TRIM2: variants seen among roughly 807,000 people sequenced by gnomAD.
TRIM2 encodes the protein tripartite motif-containing protein 2.
In TRIM2, 20 loss-of-function variants were observed where a neutral mutation model predicts 75.2. The ratio of observed to expected loss-of-function variants is 0.27; its 90% confidence interval spans 0.19 to 0.39. The LOEUF is 0.39. TRIM2 is among the 10% of genes least tolerant of loss of function. The probability of loss-of-function intolerance (pLI) is 1.00; values close to 1 mark genes in which losing one functional copy is unlikely to be tolerated. For synonymous variants in TRIM2, 373 were observed against 388.3 expected, an observed-to-expected ratio of 0.96 and a Z score of 0.46; for missense variants, 660 against 990.8, an observed-to-expected ratio of 0.67 and a Z score of 4.48.
chr4:153,221,779 G>GCGCAAGGAAGGAAGGA (rs776824156), intron 1 of TRIM2, among the ~76,000 whole-genome samples: 2 of 119,424 alleles, frequency 1.7e-5, no homozygotes, highest in Admixed American at 8.9e-5. Context: ...AGGAAGGAAA[G>GCGCAAGGAAGGAAGGA]AAGAAAAGGA....
chr4:153,244,352 T>TTCTTCTTCTTCC (rs1560874221), intron 1 of TRIM2, among the ~76,000 whole-genome samples: 1 of 33,170 alleles, frequency 3.0e-5, no homozygotes, highest in Non-Finnish European at 4.9e-5. Context: ...CTTCTTCTTC[T>TTCTTCTTCTTCC]TCCTCTTCTT....
chr4:153,252,371 C>G (rs981069028), intron 1 of TRIM2, among the ~76,000 whole-genome samples: 6 of 152,194 alleles, frequency 3.9e-5, no homozygotes, highest in African/African-American at 1.4e-4. Context: ...GACCTGGACT[C>G]TAGTTCACCT....
intron 1 of TRIM2, among the ~76,000 whole-genome samples, chr4:153,270,073 C>T (rs1478663987): frequency 1.3e-5 from 2 of 152,044 alleles, no homozygotes; most frequent in Admixed American, 6.5e-5. Flanking sequence ...AGGCAACAGG[C>T]GTGTGCCACC....
intron 6 of TRIM2, chr4:153,308,297 C>T (rs1560989271): frequency 7.8e-6 from 12 of 1,544,888 alleles, no homozygotes; most frequent in Non-Finnish European, 9.8e-6. Flanking sequence ...TAATGTCCTT[C>T]TCCAGATCAG....
chr4:153,195,022 G>A (rs1197831733), intron 1 of TRIM2, among the ~76,000 whole-genome samples: 4 of 152,148 alleles, frequency 2.6e-5, no homozygotes, highest in African/African-American at 9.7e-5. Context: ...AAAGGTCTTT[G>A]CCAGACCTTA....
chr4:153,216,731 G>C (rs1320312098), intron 1 of TRIM2, among the ~76,000 whole-genome samples: 1 of 152,178 alleles, frequency 6.6e-6, no homozygotes, highest in African/African-American at 2.4e-5. Context: ...GTCTGCTGAG[G>C]GCTGCTCTCT....
In TRIM2 at chr4:153,276,051, C is replaced by G. The variant is rs1454838419; in HGVS notation, c.374C>G (p.Ala125Gly). 1 of 1,614,142 alleles carries G rather than the reference C, an allele frequency of 6.2e-7. No homozygotes were observed. The highest frequency in any genetic ancestry group is 8.5e-7 in the Non-Finnish European group (1 of 1,180,058). The change falls in exon 3 of 12, where the codon GCT becomes GGT. Residue 125 changes from alanine (A) to glycine (G), a missense_variant. By Grantham distance (60) the Ala-to-Gly change is moderately conservative. This residue lies in a region of TRIM2 where 620 missense variants were observed against 891.0 expected (regional missense o/e 0.70). Transcript: ENST00000338700. Reference sequence around the variant, plus strand: ...CTGCAGCGAACTCCAGGCAGCAACGCTGAGGAGTCTTCCATCCTGGAGACA... The same window carrying G: ...CTGCAGCGAACTCCAGGCAGCAACGGTGAGGAGTCTTCCATCCTGGAGACA... Reference protein sequence around the residue: ...DVLQRTPGSNAEESSILETVT... With the variant: ...DVLQRTPGSNGEESSILETVT...
intron 1 of TRIM2, among the ~76,000 whole-genome samples, chr4:153,243,334 G>A (rs912716676): frequency 1.3e-5 from 2 of 152,218 alleles, no homozygotes; most frequent in African/African-American, 4.8e-5. Context: ...ACATGAAGGG[G>A]TGACTCTTTT....
At chr4:153,228,897 G>A (rs1742877980) in intron 1 of TRIM2, among the ~76,000 whole-genome samples, 1 of 152,056 alleles carries the variant, frequency 6.6e-6, no homozygotes, top group African/African-American at 2.4e-5. Context: ...CCCACAAATG[G>A]TGTCTCAATC....
intron 6 of TRIM2, among the ~76,000 whole-genome samples, chr4:153,313,243 T>C (rs17029859): frequency 0.067 from 10,121 of 152,194 alleles, 1,036 homozygotes; most frequent in African/African-American, 0.22. Flanking sequence ...GGTCGTGTAT[T>C]GAAGATCCTT....
intron 1 of TRIM2, among the ~76,000 whole-genome samples, chr4:153,254,572 A>C (rs1255133061): frequency 1.3e-5 from 2 of 152,160 alleles, no homozygotes; most frequent in Admixed American, 1.3e-4. Context: ...ACCAGCAGCC[A>C]CTATTACCAT....
intron 1 of TRIM2, among the ~76,000 whole-genome samples, chr4:153,229,744 T>C (rs1035214888): frequency 6.6e-6 from 1 of 152,250 alleles, no homozygotes; most frequent in African/African-American, 2.4e-5. Context: ...GCACGGAAGC[T>C]GGTTTTCATT....
chr4:153,268,350 G>C (rs1755806605), intron 1 of TRIM2, among the ~76,000 whole-genome samples: 1 of 131,070 alleles, frequency 7.6e-6, no homozygotes, highest in African/African-American at 3.2e-5. Context: ...GGGTCTTTTT[G>C]GAAAAGGGCC....
intron 1 of TRIM2, among the ~76,000 whole-genome samples, chr4:153,167,772 CTT>C (rs1730460083): frequency 6.6e-6 from 1 of 152,164 alleles, no homozygotes; most frequent in Non-Finnish European, 1.5e-5. Context: ...AGAGCGCAGA[CTT>C]AGGTCAAACC....
At position 153,163,625 on chromosome 4, in the gene TRIM2, C is replaced by T. The variant is rs181325658; in HGVS notation, c.-49+10355C>T. ...TAAGCAATTTTCCTGCCTCAGCCTC[C>T]GGAGTAGCTGGGATTACAGGCGAGT... On this transcript the variant is annotated intron_variant, in intron 1 of 11. Transcript: ENST00000437508. Among the ~76,000 whole-genome samples the T allele has an allele frequency of 2.6e-3, 390 of 150,414 alleles. 2 individuals carry two copies. Among genetic ancestry groups the T allele is most frequent in the Non-Finnish European group, 4.4e-3 (298 of 67,724 alleles).
At chr4:153,216,344 G>A (rs538263880) in intron 1 of TRIM2, among the ~76,000 whole-genome samples, 1 of 152,234 alleles carries the variant, frequency 6.6e-6, no homozygotes, top group East Asian at 1.9e-4. Context: ...CAATTTCCCA[G>A]CTATTTTTTA....
chr4:153,337,202 T>TA lies in TRIM2; in HGVS notation c.*2241dup. Reference sequence around the variant, plus strand: ...ATTAATTTTAGTTTATTTTCACAAGTAAAAATGGCTTTTTATTTAGATTCT... The same window carrying TA: ...ATTAATTTTAGTTTATTTTCACAAGTAAAAAATGGCTTTTTATTTAGATTCT... On this transcript the variant is annotated 3_prime_UTR_variant, in exon 12 of 12. Transcript: ENST00000338700. The TA allele has an allele frequency of 1.0e-6, 1 of 985,468 alleles. No homozygotes were observed. The highest frequency in any genetic ancestry group is 1.2e-6 in the Non-Finnish European group (1 of 829,898). The allele number at this position is 985,468 out of a possible 1,614,324, so 61.0% of individuals were successfully genotyped here.
chr4:153,330,087 A>G (rs892134182), intron 11 of TRIM2, among the ~76,000 whole-genome samples: 9 of 152,136 alleles, frequency 5.9e-5, no homozygotes, highest in Non-Finnish European at 1.2e-4. Context: ...GAAATAGACA[A>G]CTCCTCAAAA....
At chr4:153,283,849 G>T (rs566642282) in intron 3 of TRIM2, among the ~76,000 whole-genome samples, 1 of 144,356 alleles carries the variant, frequency 6.9e-6, no homozygotes, top group African/African-American at 2.6e-5. Flanking sequence ...TCTTGGCCAG[G>T]ATGGCCTTGA....
Sources: allele counts gnomAD v4.1 joint callset (sites outside exome capture counted in the v4.1 genomes callset), GRCh38; gene constraint gnomAD v4.1.1; regional missense constraint gnomAD v4.1.1; transcripts MANE v1.5; gene names NCBI Gene and HGNC (gene_info 2026-07-23, HGNC 2026-07-21).